Variants in TMEM181 observed in about 807,000 individuals in gnomAD.
TMEM181 encodes the protein G protein-coupled receptor 178.
A neutral mutation model predicts 71.9 loss-of-function variants in TMEM181; 39 were observed. The ratio of observed to expected loss-of-function variants is 0.54; its 90% confidence interval spans 0.42 to 0.71. The LOEUF (loss-of-function observed/expected upper bound fraction) is 0.71. Ranked by LOEUF, TMEM181 falls within the 30% of genes least tolerant of loss-of-function variation. TMEM181 has a pLI of 0.00. For missense variants in TMEM181, 595 were observed against 583.0 expected (o/e 1.02, Z -0.21); for synonymous variants, 245 against 228.8 (o/e 1.07, Z -0.64).
chr6:158,589,857 C>T (rs2128305252), intron 6 of TMEM181, 75 bp downstream of exon 6: 1 of 1,031,180 alleles, frequency 9.7e-7, no homozygotes, highest in South Asian at 1.4e-5. Context: ...GATTGAAATA[C>T]ATCTCAGCAT....
In TMEM181 at chr6:158,625,135, C is replaced by T. The variant is rs369643226; in HGVS notation, c.986C>T (p.Ala329Val). Residue 329 changes from alanine to valine, a missense_variant, in exon 12 of 17, where the codon GCG (alanine) becomes GTG (valine). Transcript: ENST00000684151. ...AAGGTCTTCTTCATGGTGGTGGCAG[C>T]GGTGTACATTCTGTACCTCTTGTTC... ...GMKVFFMVVA[A>V]VYILYLLFLI... The T allele has an allele frequency of 1.4e-5, 22 of 1,614,126 alleles. No individual in the cohort carries two copies. Among genetic ancestry groups the T allele is most frequent in the Middle Eastern group, 3.3e-4 (2 of 6,060 alleles).
At position 158,608,678 on chromosome 6, in the gene TMEM181, C is replaced by T; in HGVS notation, c.824C>T (p.Thr275Ile). 1.2e-6 allele frequency: 2 copies of T among 1,610,818 alleles called. No homozygotes were observed. The highest frequency in any genetic ancestry group is 1.1e-5 in the South Asian group (1 of 89,868). Residue 275 changes from threonine to isoleucine, a missense_variant, in exon 10 of 17, where the codon ACT becomes ATT. Transcript: ENST00000684151. ...IRVQGERKCL[T>I]FYLPKFFIVG... ...TTTTAGGGAGAAAGAAAGTGTTTAA[C>T]TTTCTATTTGCCTAAATTCTTCATT...
chr6:158,578,020 G>C lies in TMEM181; in HGVS notation c.113-2920G>C, dbSNP rs544634403. 3.9e-5 allele frequency among the ~76,000 whole-genome samples: 6 copies of C among 152,298 alleles called. No individual in the cohort carries two copies. In the East Asian group the frequency reaches 1.2e-3, roughly 29 times the overall value. On this transcript the variant is annotated intron_variant, in intron 2 of 16. Coordinates refer to ENST00000684151, the MANE Select transcript of TMEM181 (RefSeq NM_001376852.1). ...CAGGAGAATCTCTTGAACCCGGGAGGTGGAGGTTGTGGTGAGCTGAGATCG... is the reference window on the plus strand; with the variant it reads ...CAGGAGAATCTCTTGAACCCGGGAGCTGGAGGTTGTGGTGAGCTGAGATCG...
Position 158,612,784 on chromosome 6 carries a change from T to G in TMEM181, c.896+4034T>G, listed in dbSNP as rs1411934721. ...TTATTCCTGCTGTAAGGATAGTAAT[T>G]AAGCAAAATGCTACGGTAATTGAGA... is the stretch of plus-strand genomic sequence containing the variant. On this transcript the variant is annotated intron_variant, in intron 10 of 16. Coordinates refer to ENST00000684151, the MANE Select transcript of TMEM181 (RefSeq NM_001376852.1). 5.3e-5 allele frequency among the ~76,000 whole-genome samples: 8 copies of G among 152,356 alleles called. No individual in the cohort carries two copies. The East Asian group carries it at 1.5e-3, about 29-fold the overall frequency.
intron 1 of TMEM181, among the ~76,000 whole-genome samples, chr6:158,540,287 A>C (rs973655525): frequency 6.6e-6 from 1 of 152,224 alleles, no homozygotes; most frequent in African/African-American, 2.4e-5. Flanking sequence ...AATTGCTATA[A>C]TCATTATGGA....
chr6:158,607,441 G>A (rs2128316568), intron 8 of TMEM181, 98 bp downstream of exon 8: 1 of 1,130,004 alleles, frequency 8.8e-7, no homozygotes, highest in Non-Finnish European at 1.3e-6. Context: ...ACTTTGAGAG[G>A]CTGGGGCAGG....
chr6:158,569,457 C>G (rs1206868233), intron 1 of TMEM181, among the ~76,000 whole-genome samples: 3 of 152,190 alleles, frequency 2.0e-5, no homozygotes, highest in East Asian at 3.8e-4. Flanking sequence ...AGTTGGATGA[C>G]TTGATTGTTA....
At chr6:158,538,799 T>C (rs929587807) in intron 1 of TMEM181, among the ~76,000 whole-genome samples, 13 of 152,032 alleles carry the variant, frequency 8.6e-5, no homozygotes, top group Non-Finnish European at 1.6e-4. Context: ...GTCTGAGAAC[T>C]GAAAAATGAG....
At chr6:158,601,815 C>T (rs1488503202) in intron 6 of TMEM181, among the ~76,000 whole-genome samples, 1 of 151,426 alleles carries the variant, frequency 6.6e-6, no homozygotes, top group Non-Finnish European at 1.5e-5. Context: ...AAGTAGGTTA[C>T]TAGCATCCCC....
intron 15 of TMEM181, among the ~76,000 whole-genome samples, chr6:158,630,291 T>C (rs1583063610): frequency 6.6e-6 from 1 of 151,706 alleles, no homozygotes; most frequent in Admixed American, 6.6e-5. Context: ...AGGCTGGGAG[T>C]TTGAAACCAG....
chr6:158,617,146 T>A (rs1785658904), intron 10 of TMEM181, among the ~76,000 whole-genome samples: 1 of 152,238 alleles, frequency 6.6e-6, no homozygotes, highest in African/African-American at 2.4e-5. Context: ...TATTAATTAT[T>A]GCCTCAATTT....
At chr6:158,601,014 G>A (rs1218181114) in intron 6 of TMEM181, among the ~76,000 whole-genome samples, 1 of 151,976 alleles carries the variant, frequency 6.6e-6, no homozygotes, top group East Asian at 1.9e-4. Flanking sequence ...ATGTTTGTTC[G>A]ACTAAGACGT....
chr6:158,607,381 T>A, intron 8 of TMEM181, 38 bp downstream of exon 8: 1 of 1,593,374 alleles, frequency 6.3e-7, no homozygotes, highest in Middle Eastern at 1.7e-4. Flanking sequence ...CTTTTCCCTT[T>A]AAAATGTAAA....
chr6:158,604,064 G>T (rs532649136), intron 6 of TMEM181, among the ~76,000 whole-genome samples: 24 of 152,346 alleles, frequency 1.6e-4, no homozygotes, highest in African/African-American at 5.8e-4. Flanking sequence ...CCCTTTGATG[G>T]TGAGTTTCTT....
At chr6:158,562,621 C>T (rs560163650) in intron 1 of TMEM181, among the ~76,000 whole-genome samples, 2 of 152,082 alleles carry the variant, frequency 1.3e-5, no homozygotes, top group African/African-American at 2.4e-5. Context: ...ATCCTGGAGC[C>T]CTGCTGTGGT....
At chr6:158,609,862 G>A (rs1013201283) in intron 10 of TMEM181, 1 of 237,356 alleles carries the variant, frequency 4.2e-6, no homozygotes, top group East Asian at 1.0e-4. Flanking sequence ...GGAGGAAGTA[G>A]GGAGCATCCG....
At position 158,631,945 on chromosome 6, in the gene TMEM181, C is replaced by T. The variant is rs1786692462; in HGVS notation, c.*57C>T. The stretch of plus-strand genomic sequence containing the variant: ...CCTGGATGCTTTCCCCGGTGACCGT[C>T]TGCTGACCTTCCCCTGTTATATTCA... On this transcript the variant is annotated 3_prime_UTR_variant, in exon 17 of 17. Coordinates refer to ENST00000684151, the MANE Select transcript of TMEM181 (RefSeq NM_001376852.1). 1.4e-6 allele frequency: 2 copies of T among 1,422,502 alleles called. No individual in the cohort carries two copies. Among genetic ancestry groups the T allele is most frequent in the Non-Finnish European group, 1.9e-6 (2 of 1,030,018 alleles). The allele number at this position is 1,422,502 out of a possible 1,614,324, so 88.1% of individuals were successfully genotyped here.
Position 158,633,335 on chromosome 6 carries a change from G to A in TMEM181, c.*1447G>A, listed in dbSNP as rs140774869. The A allele has an allele frequency of 6.6e-6, 1 of 152,286 alleles. No homozygotes were observed. The highest frequency in any genetic ancestry group is 1.9e-4 in the East Asian group (1 of 5,178). The allele number at this position is 152,286 out of a possible 1,614,324, so 9.4% of individuals were successfully genotyped here. A position where few individuals can be genotyped will look rare whatever the true frequency, so the allele number is the denominator to read the frequency against. On this transcript the variant is annotated 3_prime_UTR_variant, in exon 17 of 17. Coordinates refer to ENST00000684151, the MANE Select transcript of TMEM181 (RefSeq NM_001376852.1). ...AATCTGTGGCATCATAGAAGGCCCT[G>A]GAGCTTCCCCGTTCCTTTCAGTCAG...
intron 6 of TMEM181, among the ~76,000 whole-genome samples, chr6:158,594,099 CTTTTTTT>C (rs60295531): frequency 3.5e-5 from 4 of 114,022 alleles, no homozygotes; most frequent in South Asian, 2.9e-4. Flanking sequence ...ATGGTTTTGC[CTTTTTTT>C]TTTTTTTTTT....
Sources: allele counts gnomAD v4.1 joint callset (sites outside exome capture counted in the v4.1 genomes callset), GRCh38; gene constraint gnomAD v4.1.1; transcripts MANE v1.5; gene names NCBI Gene and HGNC (gene_info 2026-07-23, HGNC 2026-07-21).